ELL: variants seen among roughly 807,000 people sequenced by gnomAD.
ELL encodes RNA polymerase II elongation factor ELL.
A neutral mutation model predicts 64.0 loss-of-function variants in ELL; 18 were observed. The ratio of observed to expected loss-of-function variants is 0.28; its 90% CI spans 0.19 to 0.42. The LOEUF is 0.42. Ranked by LOEUF, ELL falls within the 10% of genes least tolerant of loss-of-function variation. ELL has a pLI of 1.00. For synonymous variants in ELL, 399 were observed against 376.2 expected (o/e 1.06, Z -0.70); for missense variants, 797 against 870.4 (o/e 0.92, Z 1.06).
rs1017281489 is a variant in ELL, at chr19:18,449,443, G to A, written c.1465+1034C>T. ...CCACGGGAGGTGGGAAGCCCAGCAC[G>A]AGGCAGGGCTGACCCAACCCCGAAA... On this transcript the variant is annotated intron_variant, in intron 8 of 11. Transcript: ENST00000262809. The surrounding 1 kb of genome is among the most constrained non-coding windows in gnomAD (Gnocchi z 4.4). Among the ~76,000 whole-genome samples the A allele has an allele frequency of 2.0e-5, 3 of 152,126 alleles. No individual in the cohort carries two copies. The highest frequency in any genetic ancestry group is 2.9e-5 in the Non-Finnish European group (2 of 68,002).
chr19:18,514,430 C>T (rs1283174985), intron 1 of ELL, among the ~76,000 whole-genome samples: 1 of 145,138 alleles, frequency 6.9e-6, no homozygotes, highest in Non-Finnish European at 1.5e-5. Context: ...AGGAGAATGG[C>T]GTGAACCTGG....
At chr19:18,458,484 C>T (rs1049569046) in intron 5 of ELL, among the ~76,000 whole-genome samples, 155 bp from the exon 6 acceptor site, 1 of 152,152 alleles carries the variant, frequency 6.6e-6, no homozygotes, top group East Asian at 1.9e-4. Flanking sequence ...ACTACCGATC[C>T]GTGATGTCTC....
At chr19:18,472,968 G>T in intron 1 of ELL, 86 bp from the exon 2 acceptor site, 3 of 1,432,724 alleles carry the variant, frequency 2.1e-6, no homozygotes, top group Non-Finnish European at 2.8e-6. Context: ...CCCAGGTATA[G>T]AAGGAGCAGG....
chr19:18,472,811 T>C (rs374813702), intron 2 of ELL, 24 bp downstream of exon 2: 2 of 1,599,408 alleles, frequency 1.3e-6, no homozygotes, highest in Non-Finnish European at 8.5e-7. Context: ...ATTCCAAATA[T>C]GAATGATTAA....
intron 1 of ELL, among the ~76,000 whole-genome samples, chr19:18,506,093 A>T (rs1224488052): frequency 6.6e-6 from 1 of 152,172 alleles, no homozygotes; most frequent in African/African-American, 2.4e-5. Flanking sequence ...CCACTGACCC[A>T]GCCTCCCTCC....
chr19:18,521,461 G>A (rs893817633), intron 1 of ELL, among the ~76,000 whole-genome samples: 11 of 151,890 alleles, frequency 7.2e-5, no homozygotes, highest in Non-Finnish European at 1.3e-4. Flanking sequence ...CTGCTTCCCA[G>A]GAGGACAGAC....
chr19:18,513,010 CA>C (rs1248336189), intron 1 of ELL, among the ~76,000 whole-genome samples: 3 of 152,190 alleles, frequency 2.0e-5, no homozygotes, highest in Admixed American at 1.3e-4. Context: ...GGGGGAAGGA[CA>C]GGGGTGTTAA....
Position 18,501,384 on chromosome 19 carries a change from T to C in ELL, c.135+20537A>G, listed in dbSNP as rs1295361893. On this transcript the variant is annotated intron_variant, in intron 1 of 11. Coordinates refer to ENST00000262809, the MANE Select transcript of ELL (RefSeq NM_006532.4). The surrounding 1 kb of genome is among the most constrained non-coding windows in gnomAD (Gnocchi z 4.5). ...AAAAACCCTGCTGAGCGAGAGAACG[T>C]GGGAAAGGGCCTGGGATGGGCCCAC... Among the ~76,000 whole-genome samples the C allele has an allele frequency of 1.3e-5, 2 of 152,112 alleles. No homozygotes were observed. Among genetic ancestry groups the C allele is most frequent in the East Asian group, 3.9e-4 (2 of 5,174 alleles).
chr19:18,500,553 G>A (rs990251201), intron 1 of ELL, among the ~76,000 whole-genome samples: 11 of 152,248 alleles, frequency 7.2e-5, no homozygotes, highest in Non-Finnish European at 1.3e-4. Flanking sequence ...CAAAAGGAGA[G>A]ACGGGAACTG....
intron 1 of ELL, among the ~76,000 whole-genome samples, chr19:18,492,253 G>A (rs892891645): frequency 3.9e-5 from 6 of 152,186 alleles, no homozygotes; most frequent in South Asian, 2.1e-4. Context: ...TTCCTCATCC[G>A]TCATGGTGAC....
intron 1 of ELL, among the ~76,000 whole-genome samples, chr19:18,516,028 T>G (rs1261168737): frequency 6.6e-6 from 1 of 151,952 alleles, no homozygotes; most frequent in Non-Finnish European, 1.5e-5. Context: ...AAGAAGGCCT[T>G]CTCTGAAAAG....
intron 1 of ELL, among the ~76,000 whole-genome samples, chr19:18,480,924 G>A (rs138801552): frequency 1.4e-4 from 22 of 152,244 alleles, no homozygotes; most frequent in African/African-American, 4.3e-4. Context: ...GTGAGCCACC[G>A]CACCCAGCCC....
chr19:18,480,595 A>G (rs1284789161), intron 1 of ELL, among the ~76,000 whole-genome samples: 2 of 152,214 alleles, frequency 1.3e-5, no homozygotes. Flanking sequence ...ACTGGCTACA[A>G]GCCAAGTGTA....
At chr19:18,446,180 G>C (rs1974409363) in intron 10 of ELL, 129 bp downstream of exon 10, 3 of 1,178,000 alleles carry the variant, frequency 2.5e-6, no homozygotes, top group South Asian at 3.2e-5. Context: ...AGTGCACCAG[G>C]GGGAGAAGCG....
chr19:18,445,297 C>G (rs1362600137), intron 10 of ELL, 29 bp from the exon 11 acceptor site: 1 of 1,612,430 alleles, frequency 6.2e-7, no homozygotes, highest in South Asian at 1.1e-5. Context: ...TTTGAGAAAA[C>G]AGAATGTGTC....
intron 2 of ELL, among the ~76,000 whole-genome samples, chr19:18,468,423 C>T (rs1335204428): frequency 6.6e-6 from 1 of 152,222 alleles, no homozygotes; most frequent in Non-Finnish European, 1.5e-5. Flanking sequence ...CCTGCACCTC[C>T]CTTCCCAGAT....
At chr19:18,479,413 C>G (rs10409483) in intron 1 of ELL, among the ~76,000 whole-genome samples, 70,995 of 152,062 alleles carry the variant, frequency 0.47, 19,205 homozygotes, top group African/African-American at 0.76. Context: ...TGAAGAAGAA[C>G]GTATCTGATT....
rs1324008260 is a variant in ELL at position 18,446,496 on chromosome 19, G to A, written c.1533-16C>T. On this transcript the variant is annotated splice_polypyrimidine_tract_variant and intron_variant, in intron 9 of 11. Transcript: ENST00000262809. ...TGCGTACTTCCTGAAACAGGAGAGA[G>A]GGGCCACTGAGTGGAGGCTGGAAGG... The A allele has an allele frequency of 3.1e-6, 5 of 1,608,138 alleles. No homozygotes were observed. The Admixed American group carries it at 8.4e-5, about 27-fold the overall frequency.
chr19:18,453,341 T>C (rs1974581467), intron 6 of ELL, among the ~76,000 whole-genome samples: 1 of 152,196 alleles, frequency 6.6e-6, no homozygotes, highest in Non-Finnish European at 1.5e-5. Flanking sequence ...AAGCTCTGAA[T>C]AGACGTTTCT....
Sources: allele counts gnomAD v4.1 joint callset (sites outside exome capture counted in the v4.1 genomes callset), GRCh38; gene constraint gnomAD v4.1.1; non-coding constraint Gnocchi (gnomAD v3.1); transcripts MANE v1.5; gene names NCBI Gene and HGNC (gene_info 2026-07-23, HGNC 2026-07-21).